The following SMAD6 variants were observed in gnomAD, a reference collection of about 807,000 sequenced individuals.
The protein encoded by SMAD6 is SMAD family member 6.
Under a neutral mutation model 39.4 loss-of-function variants are expected in SMAD6, and 103 were observed. The observed-to-expected ratio is 2.62, with a 90% confidence interval of 2.23 to 3.08. The LOEUF (loss-of-function observed/expected upper bound fraction) is 3.08. Among genes scored for constraint, SMAD6 ranks in the 30% most tolerant of loss-of-function variants. The pLI is 0.00. For missense variants in SMAD6, 1,104 were observed against 742.9 expected (o/e 1.49, Z -5.65); for synonymous variants, 445 against 353.3 (o/e 1.26, Z -2.91).
Position 66,781,129 on chromosome 15 carries a change from A to G in SMAD6, c.1085A>G (p.Gln362Arg). The change falls in exon 4 of 4, where the codon CAG becomes CGG. Residue 362 changes from glutamine (Q) to arginine (R), a missense_variant. Gln to Arg is a conservative substitution (Grantham distance 43, BLOSUM62 1). Coordinates refer to ENST00000288840, the MANE Select transcript of SMAD6 (RefSeq NM_005585.5). ...QAVSIFYDLP[Q>R]GSGFCLGQLN... is the part of the protein sequence containing the mutation. The stretch of plus-strand genomic sequence containing the variant: ...GTCAGCATCTTCTACGACCTACCTC[A>G]GGGCAGCGGCTTCTGCCTGGGCCAG... 3 of 1,608,790 alleles carry G rather than the reference A, an allele frequency of 1.9e-6. No individual in the cohort carries two copies. The highest frequency in any genetic ancestry group is 1.7e-4 in the Middle Eastern group (1 of 6,060).
chr15:66,724,014 C>T (rs1047002555), intron 3 of SMAD6, among the ~76,000 whole-genome samples: 1 of 152,158 alleles, frequency 6.6e-6, no homozygotes, highest in Non-Finnish European at 1.5e-5. Context: ...CTATAGATAA[C>T]CTTTCAAGTA....
intron 3 of SMAD6, among the ~76,000 whole-genome samples, chr15:66,748,454 C>T (rs1348808289): frequency 2.0e-5 from 3 of 152,102 alleles, no homozygotes; most frequent in Non-Finnish European, 4.4e-5. Flanking sequence ...AACAAGTTTC[C>T]TTCAAATAGC....
rs1893052905 is a variant in SMAD6 at position 66,704,067 on chromosome 15, G to T, written c.809G>T (p.Cys270Phe). Residue 270 changes from cysteine (C) to phenylalanine (F), a missense_variant, in exon 1 of 4, where the codon TGC becomes TTC. Transcript: ENST00000288840. ...CCNPYHFSRL[C>F]GPESPPPPYS... Reference sequence around the variant, plus strand: ...AACCCCTACCACTTCAGCCGGCTCTGCGGGCCCGGTGAGCGCGCTGCGCCG... The same window carrying T: ...AACCCCTACCACTTCAGCCGGCTCTTCGGGCCCGGTGAGCGCGCTGCGCCG... 1 of 1,492,828 alleles carries T rather than the reference G, an allele frequency of 6.7e-7. No individual in the cohort carries two copies. The highest frequency in any genetic ancestry group is 2.9e-5 in the East Asian group (1 of 34,876). The allele number at this position is 1,492,828 out of a possible 1,614,324, so 92.5% of individuals were successfully genotyped here. A position where few individuals can be genotyped will look rare whatever the true frequency, so the allele number is the denominator to read the frequency against.
At chr15:66,749,748 G>A (rs2035037205) in intron 3 of SMAD6, among the ~76,000 whole-genome samples, 1 of 152,194 alleles carries the variant, frequency 6.6e-6, no homozygotes, top group Admixed American at 6.5e-5. Flanking sequence ...GAAGGTGCCT[G>A]GTTGAATCCT....
chr15:66,772,464 T>C (rs769239521), intron 3 of SMAD6, among the ~76,000 whole-genome samples: 3 of 152,198 alleles, frequency 2.0e-5, no homozygotes, highest in Non-Finnish European at 4.4e-5. Context: ...CTGGCACATA[T>C]TATGTTTGCA....
intron 3 of SMAD6, among the ~76,000 whole-genome samples, chr15:66,779,806 G>A (rs765116317): frequency 4.6e-5 from 7 of 152,272 alleles, no homozygotes; most frequent in Non-Finnish European, 8.8e-5. Context: ...CCAGGCCAGA[G>A]ACCTGTGTGG....
Position 66,746,508 on chromosome 15 carries a change from G to T in SMAD6, c.952+30010G>T, listed in dbSNP as rs187292889. Among the ~76,000 whole-genome samples the T allele has an allele frequency of 3.9e-3, 599 of 152,252 alleles. 3 individuals carry two copies. The highest frequency in any genetic ancestry group is 6.9e-3 in the Non-Finnish European group (466 of 68,008). On this transcript the variant is annotated intron_variant, in intron 3 of 3. Coordinates refer to ENST00000288840, the MANE Select transcript of SMAD6 (RefSeq NM_005585.5). ...AAGTTCCTCTCTGGATTTGCTCTAG[G>T]GGGGTGGGGGGTCCTGGTGTTGGCC...
At chr15:66,766,915 G>A (rs1894298491) in intron 3 of SMAD6, among the ~76,000 whole-genome samples, 1 of 152,136 alleles carries the variant, frequency 6.6e-6, no homozygotes, top group South Asian at 2.1e-4. Flanking sequence ...GTTAACCTTG[G>A]CAATAAAAGA....
At chr15:66,725,563 T>C (rs527474600) in intron 3 of SMAD6, among the ~76,000 whole-genome samples, 1 of 152,288 alleles carries the variant, frequency 6.6e-6, no homozygotes, top group Non-Finnish European at 1.5e-5. Flanking sequence ...TTTGATCTCT[T>C]TGAGTTGTCC....
chr15:66,716,380 C>T (rs752311570), intron 2 of SMAD6, 41 bp from the exon 3 acceptor site: 8 of 1,401,790 alleles, frequency 5.7e-6, no homozygotes, highest in East Asian at 4.6e-5. Flanking sequence ...GAGAGCGCTG[C>T]CCCACGGCCA....
intron 3 of SMAD6, among the ~76,000 whole-genome samples, chr15:66,771,952 A>G (rs1166812929): frequency 6.6e-6 from 1 of 152,176 alleles, no homozygotes; most frequent in Non-Finnish European, 1.5e-5. Flanking sequence ...TACCAGAAAC[A>G]GCTGTTAAGG....
chr15:66,718,146 G>GTGTGTGTC (rs1030290268), intron 3 of SMAD6, among the ~76,000 whole-genome samples: 6 of 151,184 alleles, frequency 4.0e-5, no homozygotes, highest in African/African-American at 1.5e-4. Flanking sequence ...GTGTGTGTGT[G>GTGTGTGTC]TGTGTCTGTG....
In SMAD6 at chr15:66,704,020, C is replaced by T; in HGVS notation, c.762C>T (p.Ala254=). The T allele has an allele frequency of 4.0e-6, 6 of 1,505,506 alleles. No individual in the cohort carries two copies. In the South Asian group the frequency reaches 4.9e-5, roughly 12 times the overall value. 93.3% of individuals were successfully genotyped at this position (1,505,506 alleles called of 1,614,324 possible). The change falls in exon 1 of 4, where the codon GCC becomes GCT. Residue 254 remains alanine, a synonymous_variant. Coordinates refer to ENST00000288840, the MANE Select transcript of SMAD6 (RefSeq NM_005585.5). ...GCTGCCACAGCTTCGCCGCCGCCGC[C>T]GACGGCCCTACCGTGTGCTGCAACC... ...LCGCHSFAAA[A]DGPTVCCNPY...
In SMAD6 at chr15:66,703,614, G is replaced by C; in HGVS notation, c.356G>C (p.Ser119Thr). ...EPGGPGWLPE[S>T]DCETVTCCLF... ...GGAGGCCCGGGCTGGCTGCCCGAGA[G>C]TGACTGCGAGACGGTGACCTGCTGT... The change falls in exon 1 of 4, where the codon AGT (serine) becomes ACT (threonine). Residue 119 changes from serine (S) to threonine (T), a missense_variant. By Grantham distance (58) the Ser-to-Thr change is moderately conservative. Coordinates refer to ENST00000288840, the MANE Select transcript of SMAD6 (RefSeq NM_005585.5). The C allele has an allele frequency of 1.6e-6, 2 of 1,230,568 alleles. No homozygotes were observed. Among genetic ancestry groups the C allele is most frequent in the Admixed American group, 8.6e-5 (2 of 23,214 alleles). 76.2% of individuals were successfully genotyped at this position (1,230,568 alleles called of 1,614,324 possible). A position where few individuals can be genotyped will look rare whatever the true frequency, so the allele number is the denominator to read the frequency against.
At chr15:66,716,621 T>A in intron 3 of SMAD6, 123 bp downstream of exon 3, 1 of 772,026 alleles carries the variant, frequency 1.3e-6, no homozygotes, top group Non-Finnish European at 2.3e-6. Context: ...TTTCCTCCAA[T>A]CCTTGGATGG....
At chr15:66,779,648 C>T (rs1015097995) in intron 3 of SMAD6, among the ~76,000 whole-genome samples, 2 of 152,238 alleles carry the variant, frequency 1.3e-5, no homozygotes, top group Non-Finnish European at 1.5e-5. Context: ...CCAGAGCTGG[C>T]CTCACTCAGG....
intron 3 of SMAD6, among the ~76,000 whole-genome samples, chr15:66,780,474 G>A (rs1595804179): frequency 6.6e-6 from 1 of 152,200 alleles, no homozygotes; most frequent in Admixed American, 6.5e-5. Flanking sequence ...ACTTGGACTA[G>A]TGGGTTCAAA....
At chr15:66,721,252 C>T (rs895336058) in intron 3 of SMAD6, among the ~76,000 whole-genome samples, 1 of 152,126 alleles carries the variant, frequency 6.6e-6, no homozygotes, top group Non-Finnish European at 1.5e-5. Context: ...AGCACCTGTG[C>T]CTGCCGTTTG....
chr15:66,758,732 A>G (rs1894146389), intron 3 of SMAD6, among the ~76,000 whole-genome samples: 1 of 106,430 alleles, frequency 9.4e-6, no homozygotes, highest in Non-Finnish European at 2.0e-5. Context: ...TGTCTCCAGA[A>G]GAAAAAAAAA....
Sources: allele counts gnomAD v4.1 joint callset (sites outside exome capture counted in the v4.1 genomes callset), GRCh38; gene constraint gnomAD v4.1.1; transcripts MANE v1.5; gene names NCBI Gene and HGNC (gene_info 2026-07-23, HGNC 2026-07-21).